The following ITPR2 variants were observed in gnomAD, a reference collection of about 807,000 sequenced individuals.
ITPR2 encodes the protein inositol 1,4,5-trisphosphate-gated calcium channel ITPR2.
Under a neutral mutation model 317.1 loss-of-function variants are expected in ITPR2, and 207 were observed. The ratio of observed to expected loss-of-function variants is 0.65; its 90% CI spans 0.58 to 0.73. ITPR2 has a LOEUF of 0.73. Ranked by LOEUF, ITPR2 falls within the 30% of genes least tolerant of loss-of-function variation. The pLI, the probability that ITPR2 is intolerant of heterozygous loss-of-function variation, is 0.00. For synonymous variants in ITPR2, 1,156 were observed against 1,149.1 expected (o/e 1.01, Z -0.12); for missense variants, 2,613 against 3,284.0 (o/e 0.80, Z 4.99).
At chr12:26,445,860 T>G (rs1327173388) in intron 45 of ITPR2, among the ~76,000 whole-genome samples, 1 of 152,144 alleles carries the variant, frequency 6.6e-6, no homozygotes, top group Admixed American at 6.5e-5. Flanking sequence ...TAAAGGTGGA[T>G]TTTTTAAATA....
intron 2 of ITPR2, among the ~76,000 whole-genome samples, chr12:26,777,864 G>T (rs1216034477): frequency 6.6e-6 from 1 of 152,064 alleles, no homozygotes; most frequent in Non-Finnish European, 1.5e-5. Context: ...GAGACCTTTG[G>T]CCTTTTACCT....
At chr12:26,572,658 T>C (rs1421267479) in intron 34 of ITPR2, among the ~76,000 whole-genome samples, 1 of 152,202 alleles carries the variant, frequency 6.6e-6, no homozygotes, top group Non-Finnish European at 1.5e-5. Flanking sequence ...TTGCATTCAG[T>C]TGATGTAAGA....
intron 18 of ITPR2, 122 bp from the exon 19 acceptor site, chr12:26,656,670 C>A: frequency 1.0e-6 from 1 of 983,344 alleles, no homozygotes; most frequent in South Asian, 1.6e-5. Context: ...ATATTGGAGT[C>A]AAACTCTTGA....
chr12:26,543,247 C>A (rs1433917766), intron 37 of ITPR2, among the ~76,000 whole-genome samples: 2 of 152,148 alleles, frequency 1.3e-5, no homozygotes, highest in Admixed American at 6.5e-5. Flanking sequence ...ATTAGCAACT[C>A]ACCACTACAC....
chr12:26,794,343 TATTA>T (rs1232337902), intron 1 of ITPR2, among the ~76,000 whole-genome samples: 3 of 152,234 alleles, frequency 2.0e-5, no homozygotes, highest in Non-Finnish European at 4.4e-5. Context: ...TAAAGTATAC[TATTA>T]ATTATTTTCA....
chr12:26,668,961 A>T (rs993079301), intron 13 of ITPR2, among the ~76,000 whole-genome samples: 2 of 152,102 alleles, frequency 1.3e-5, no homozygotes, highest in African/African-American at 4.8e-5. Context: ...GCACAAAACA[A>T]TTAAAAAATT....
At chr12:26,572,123 T>G (rs996810589) in intron 34 of ITPR2, among the ~76,000 whole-genome samples, 1 of 152,300 alleles carries the variant, frequency 6.6e-6, no homozygotes, top group Non-Finnish European at 1.5e-5. Flanking sequence ...CTTGCATATT[T>G]GAATTCTGCT....
chr12:26,832,589 ACCAC>A, intron 1 of ITPR2, 97 bp downstream of exon 1: 2 of 843,514 alleles, frequency 2.4e-6, no homozygotes, highest in Non-Finnish European at 3.6e-6. Context: ...CGGCCGGGCC[ACCAC>A]GCGCGGCAGC....
At chr12:26,573,037 A>ATTTT (rs1945200945) in intron 34 of ITPR2, among the ~76,000 whole-genome samples, 3 of 149,148 alleles carry the variant, frequency 2.0e-5, no homozygotes, top group Non-Finnish European at 4.5e-5. Flanking sequence ...TTATTTATTT[A>ATTTT]TTTTAGAAAC....
chr12:26,621,362 G>A, intron 25 of ITPR2, 66 bp from the exon 26 acceptor site: 1 of 1,250,186 alleles, frequency 8.0e-7, no homozygotes, highest in Non-Finnish European at 1.1e-6. Context: ...GAATATTTTA[G>A]ATGTATATTG....
At chr12:26,361,054 A>G (rs1204678316) in intron 55 of ITPR2, among the ~76,000 whole-genome samples, 2 of 152,034 alleles carry the variant, frequency 1.3e-5, no homozygotes, top group Non-Finnish European at 2.9e-5. Flanking sequence ...TCTCTACTAA[A>G]AATACAAAAA....
At chr12:26,540,144 C>A (rs906543921) in intron 37 of ITPR2, among the ~76,000 whole-genome samples, 2 of 152,200 alleles carry the variant, frequency 1.3e-5, no homozygotes, top group African/African-American at 4.8e-5. Context: ...TTTAGGCATT[C>A]TTTCCCCTTA....
At position 26,420,574 on chromosome 12, in the gene ITPR2, C is replaced by T. The variant is rs558052873; in HGVS notation, c.6946-1361G>A. Among the ~76,000 whole-genome samples, 5 of 152,146 alleles carry T rather than the reference C, an allele frequency of 3.3e-5. No individual in the cohort carries two copies. In the East Asian group the frequency reaches 9.6e-4, roughly 29 times the overall value. On this transcript the variant is annotated intron_variant, in intron 49 of 56. Transcript: ENST00000381340. The stretch of plus-strand genomic sequence containing the variant: ...ATTAACAACATAGCAACTAAAAAGG[C>T]CAAACCTTTCCTAAATTTCTCCCCT...
At chr12:26,462,235 C>T (rs914084111) in intron 45 of ITPR2, among the ~76,000 whole-genome samples, 1 of 151,598 alleles carries the variant, frequency 6.6e-6, no homozygotes, top group Non-Finnish European at 1.5e-5. Context: ...GGTGCCATCT[C>T]GGCTCACTGC....
intron 43 of ITPR2, among the ~76,000 whole-genome samples, chr12:26,478,168 A>G (rs887386190): frequency 2.0e-5 from 3 of 152,176 alleles, no homozygotes; most frequent in Admixed American, 2.0e-4. Context: ...TTCCCCCCAG[A>G]AGTACAGCCT....
chr12:26,807,731 T>A (rs1317151284), intron 1 of ITPR2, among the ~76,000 whole-genome samples: 2 of 152,180 alleles, frequency 1.3e-5, no homozygotes, highest in African/African-American at 4.8e-5. Flanking sequence ...GAAAACCAGT[T>A]GCTTGGTAAG....
chr12:26,426,236 T>A (rs1247258099), intron 49 of ITPR2, among the ~76,000 whole-genome samples: 2 of 152,206 alleles, frequency 1.3e-5, no homozygotes, highest in African/African-American at 4.8e-5. Context: ...AGTTACCAGT[T>A]TATAAATATT....
chr12:26,625,045 G>A (rs1026444591), intron 23 of ITPR2, among the ~76,000 whole-genome samples: 2 of 152,102 alleles, frequency 1.3e-5, no homozygotes, highest in African/African-American at 4.8e-5. Flanking sequence ...CAACAACATG[G>A]ATGGAACTGG....
At chr12:26,501,647 T>G (rs1345629170) in intron 37 of ITPR2, among the ~76,000 whole-genome samples, 3 of 152,188 alleles carry the variant, frequency 2.0e-5, no homozygotes, top group Non-Finnish European at 4.4e-5. Context: ...ATGATTCTAG[T>G]AAAGAGCCTT....
Sources: gnomAD v4.1 joint callset for allele counts (sites outside exome capture counted in the v4.1 genomes callset) on GRCh38, gnomAD v4.1.1 for gene constraint, MANE v1.5 for transcripts, NCBI Gene and HGNC (gene_info 2026-07-23, HGNC 2026-07-21) for gene names.